Variants in PFKFB3 observed in about 807,000 individuals in gnomAD.
PFKFB3 encodes the protein 6-phosphofructo-2-kinase/fructose-2,6-bisphosphatase 3.
In PFKFB3, 33 loss-of-function variants were observed where a neutral mutation model predicts 68.0. That is an observed-to-expected ratio of 0.49 (90% confidence interval 0.37 to 0.65). The LOEUF (loss-of-function observed/expected upper bound fraction) is 0.65, where lower values mean the gene tolerates loss of function less well. Ranked by LOEUF, PFKFB3 falls within the 30% of genes least tolerant of loss-of-function variation. The pLI is 0.00. For synonymous variants in PFKFB3, 315 were observed against 288.2 expected, an observed-to-expected ratio of 1.09 and a Z score of -0.94; for missense variants, 586 against 712.2, an observed-to-expected ratio of 0.82 and a Z score of 2.02.
At chr10:6,189,174 T>C (rs1842962029) in intron 1 of PFKFB3, among the ~76,000 whole-genome samples, 1 of 152,156 alleles carries the variant, frequency 6.6e-6, no homozygotes, top group South Asian at 2.1e-4. Context: ...TTCAATTGTC[T>C]GTAAATTCCA....
At chr10:6,177,228 A>G (rs979422385) in intron 1 of PFKFB3, among the ~76,000 whole-genome samples, 2 of 152,208 alleles carry the variant, frequency 1.3e-5, no homozygotes, top group Non-Finnish European at 2.9e-5. Flanking sequence ...AGTTAGGATG[A>G]AAATTCAGAA....
At chr10:6,231,865 G>A (rs1056671237) in intron 14 of PFKFB3, among the ~76,000 whole-genome samples, 5 of 150,018 alleles carry the variant, frequency 3.3e-5, no homozygotes, top group Admixed American at 6.6e-5. Flanking sequence ...ACCTCCTGGC[G>A]GGCACCCATC....
intron 1 of PFKFB3, among the ~76,000 whole-genome samples, chr10:6,207,261 C>A (rs561047527): frequency 6.6e-6 from 1 of 152,276 alleles, no homozygotes; most frequent in African/African-American, 2.4e-5. Context: ...CACAGCGAAA[C>A]CCCGTCTCCA....
chr10:6,225,709 CA>C (rs1347357030), intron 13 of PFKFB3, among the ~76,000 whole-genome samples: 2 of 135,538 alleles, frequency 1.5e-5, no homozygotes, highest in Non-Finnish European at 3.3e-5. Flanking sequence ...CATCCTAAGC[CA>C]GGGTGCCCTT....
In PFKFB3 at chr10:6,220,923, A is replaced by T. The variant is rs879172941; in HGVS notation, c.831+58A>T. On this transcript the variant is annotated intron_variant, in intron 8 of 14. Coordinates refer to ENST00000379775, the MANE Select transcript of PFKFB3 (RefSeq NM_004566.4). The surrounding 1 kb of genome is among the most constrained non-coding windows in gnomAD (Gnocchi z 4.1). ...GCTGTAGGGCGGTTGCAGGGTCTAT[A>T]GGGTGGGTGGGGAGCTGTGTGCTGC... 78 of 1,300,992 alleles carry T rather than the reference A, an allele frequency of 6.0e-5. No homozygotes were observed. The highest frequency in any genetic ancestry group is 7.5e-5 in the Non-Finnish European group (68 of 909,906). 80.6% of individuals were successfully genotyped at this position (1,300,992 alleles called of 1,614,324 possible).
intron 1 of PFKFB3, among the ~76,000 whole-genome samples, chr10:6,169,501 G>A (rs1182521033): frequency 6.6e-6 from 1 of 152,128 alleles, no homozygotes. Context: ...ACTTCCTCCA[G>A]GATATTTGAC....
the PFKFB3 span, among the ~76,000 whole-genome samples, chr10:6,278,465 C>CG: frequency 6.6e-6 from 1 of 151,856 alleles, no homozygotes; most frequent in East Asian, 1.9e-4. Flanking sequence ...TTAGTAGAGA[C>CG]GGGGTTTCAC....
At chr10:6,259,542 T>TCATCCATCCATCCATCCATCCATC (rs201570223), downstream of PFKFB3, among the ~76,000 whole-genome samples, 98 of 138,086 alleles carry the variant, frequency 7.1e-4, no homozygotes, top group East Asian at 3.5e-3. Flanking sequence ...ATCCATCTGC[T>TCATCCATCCATCCATCCATCCATC]CATCCATCCA....
the PFKFB3 span, among the ~76,000 whole-genome samples, chr10:6,287,679 T>G: frequency 6.6e-6 from 1 of 152,144 alleles, no homozygotes; most frequent in African/African-American, 2.4e-5. Context: ...TGACTGTACT[T>G]TATAGCAGAG....
At chr10:6,276,799 G>C in the PFKFB3 span, among the ~76,000 whole-genome samples, 1 of 150,588 alleles carries the variant, frequency 6.6e-6, no homozygotes, top group Non-Finnish European at 1.5e-5. Flanking sequence ...ATTGAGATTG[G>C]GTCACAGAAC....
chr10:6,264,746 G>A, the PFKFB3 span, among the ~76,000 whole-genome samples: 2 of 151,812 alleles, frequency 1.3e-5, no homozygotes, highest in Non-Finnish European at 2.9e-5. Flanking sequence ...CTCTCTATAC[G>A]TGTATGTTAT....
intron 1 of PFKFB3, among the ~76,000 whole-genome samples, chr10:6,210,310 C>G (rs1844082377): frequency 8.8e-6 from 1 of 113,688 alleles, no homozygotes; most frequent in African/African-American, 2.7e-5. Flanking sequence ...GGGACAGGTG[C>G]AAACACCTCA....
chr10:6,242,097 G>C (rs750581209), intron 14 of PFKFB3, among the ~76,000 whole-genome samples: 2 of 152,076 alleles, frequency 1.3e-5, no homozygotes, highest in Non-Finnish European at 2.9e-5. Context: ...TCCCGCCTCA[G>C]CCTCTCAAAG....
chr10:6,311,743 C>T, the PFKFB3 span, among the ~76,000 whole-genome samples: 1 of 151,100 alleles, frequency 6.6e-6, no homozygotes, highest in South Asian at 2.1e-4. Context: ...AACTAGACTC[C>T]GTCTCAAAAA....
At position 6,224,140 on chromosome 10, in the gene PFKFB3, G is replaced by A. The variant is rs35617103; in HGVS notation, c.1277-9G>A. On this transcript the variant is annotated splice_polypyrimidine_tract_variant and intron_variant, in intron 12 of 14. Transcript: ENST00000379775. ...GCAGCTTCCTCTGCCCCCATCCCAC[G>A]CCCTCCAGGCTGCCGTGTGGAATCC... 586 of 1,614,154 alleles carry A rather than the reference G, an allele frequency of 3.6e-4. 6 individuals carry two copies. In the East Asian group the frequency reaches 7.1e-3, roughly 20 times the overall value.
At chr10:6,289,655 T>C in the PFKFB3 span, among the ~76,000 whole-genome samples, 1 of 152,174 alleles carries the variant, frequency 6.6e-6, no homozygotes, top group African/African-American at 2.4e-5. Flanking sequence ...TCCAGCTTTG[T>C]TCTTTTGGCT....
At chr10:6,158,806 G>T (rs1240623070) in intron 1 of PFKFB3, among the ~76,000 whole-genome samples, 1 of 151,912 alleles carries the variant, frequency 6.6e-6, no homozygotes, top group East Asian at 1.9e-4. Context: ...GGCGGAGGCT[G>T]CAGTGAGCTG....
the PFKFB3 span, among the ~76,000 whole-genome samples, chr10:6,289,446 A>G: frequency 6.6e-6 from 1 of 152,140 alleles, no homozygotes; most frequent in African/African-American, 2.4e-5. Flanking sequence ...TCCCAGCACC[A>G]TTTATTAAAT....
intron 8 of PFKFB3, 87 bp from the exon 9 acceptor site, chr10:6,221,294 G>A: frequency 6.6e-7 from 1 of 1,520,860 alleles, no homozygotes; most frequent in Non-Finnish European, 8.9e-7. Context: ...GTAGTGCACA[G>A]CCCTACGTGG....
Sources: gnomAD v4.1 joint callset for allele counts (sites outside exome capture counted in the v4.1 genomes callset) on GRCh38, gnomAD v4.1.1 for gene constraint, Gnocchi (gnomAD v3.1) non-coding constraint, MANE v1.5 for transcripts, NCBI Gene and HGNC (gene_info 2026-07-23, HGNC 2026-07-21) for gene names.